METTL15: variants seen among roughly 807,000 people sequenced by gnomAD.
METTL15 encodes 12S rRNA N(4)-cytidine methyltransferase METTL15.
A neutral mutation model predicts 38.3 loss-of-function variants in METTL15; 34 were observed. The observed-to-expected ratio is 0.89, with a 90% CI of 0.68 to 1.18. The LOEUF (loss-of-function observed/expected upper bound fraction) is 1.18, where lower values mean the gene tolerates loss of function less well. METTL15 is among the 50% of genes most tolerant of loss of function. The pLI is 0.00. For missense variants in METTL15, 438 were observed against 498.4 expected (o/e 0.88, Z 1.15); for synonymous variants, 162 against 170.9 (o/e 0.95, Z 0.41).
At chr11:28,112,887 A>G (rs1251963113) in intron 2 of METTL15, among the ~76,000 whole-genome samples, 3 of 152,172 alleles carry the variant, frequency 2.0e-5, no homozygotes, top group Middle Eastern at 3.2e-3. Context: ...ATAGAAGACC[A>G]TCTGAATCTA....
chr11:28,369,757 A>T (rs1029302649), intron 5 of METTL15, among the ~76,000 whole-genome samples: 3 of 152,166 alleles, frequency 2.0e-5, no homozygotes, highest in Admixed American at 2.0e-4. Flanking sequence ...AGTTCATCAA[A>T]ACTAGACCTG....
chr11:28,527,191 C>G (rs745473182), downstream of METTL15: 1 of 152,148 alleles, frequency 6.6e-6, no homozygotes, highest in Non-Finnish European at 1.5e-5. Context: ...ATTTTACTAC[C>G]TTAGTTGGAA....
At position 28,377,557 on chromosome 11, in the gene METTL15, C is replaced by G. The variant is rs550266224; in HGVS notation, c.*358+15521C>G. 2.0e-5 allele frequency among the ~76,000 whole-genome samples: 3 copies of G among 151,544 alleles called. No individual in the cohort carries two copies. In the South Asian group the frequency reaches 6.3e-4, roughly 32 times the overall value. ...GTATTGGTTATTCTAGTTATACATT[C>G]TTCTAAATTTTTTTCAAAGTTTTCA... On this transcript the variant is annotated intron_variant and NMD_transcript_variant, in intron 5 of 7. Transcript: ENST00000532947.
intron 4 of METTL15, among the ~76,000 whole-genome samples, chr11:28,235,050 T>C (rs1183574331): frequency 6.6e-6 from 1 of 152,184 alleles, no homozygotes; most frequent in African/African-American, 2.4e-5. Context: ...CAGCACCATT[T>C]ATTAAATAGG....
chr11:28,277,711 A>G (rs1020967501), intron 4 of METTL15, among the ~76,000 whole-genome samples: 3 of 152,116 alleles, frequency 2.0e-5, no homozygotes, highest in Non-Finnish European at 4.4e-5. Context: ...AGCAAAAAAA[A>G]CAGCAACAAA....
intron 5 of METTL15, among the ~76,000 whole-genome samples, chr11:28,293,523 T>G (rs1036086800): frequency 2.1e-3 from 319 of 152,322 alleles, no homozygotes; most frequent in Non-Finnish European, 3.6e-3. Context: ...GGCTTAGGAT[T>G]GACTTGGTGA....
chr11:28,123,780 C>G, intron 3 of METTL15: 2 of 993,696 alleles, frequency 2.0e-6, no homozygotes, highest in Non-Finnish European at 2.9e-6. Context: ...CCTGTGTCAT[C>G]TGTAATAGGT....
chr11:28,279,640 C>T (rs1855974696), intron 4 of METTL15, among the ~76,000 whole-genome samples: 1 of 152,142 alleles, frequency 6.6e-6, no homozygotes, highest in Non-Finnish European at 1.5e-5. Context: ...GTGGCTCACG[C>T]CTGTAATCCC....
At chr11:28,380,730 T>C (rs1850373842) in intron 5 of METTL15, among the ~76,000 whole-genome samples, 1 of 152,170 alleles carries the variant, frequency 6.6e-6, no homozygotes, top group Admixed American at 6.5e-5. Context: ...TGACAACATA[T>C]CTTAGATTAA....
At chr11:28,474,971 C>A (rs757447627) in intron 6 of METTL15, among the ~76,000 whole-genome samples, 5 of 152,120 alleles carry the variant, frequency 3.3e-5, no homozygotes, top group Non-Finnish European at 7.4e-5. Flanking sequence ...TACAGGTGAC[C>A]AAGAAGCAGA....
At position 28,370,548 on chromosome 11, in the gene METTL15, T is replaced by G. The variant is rs556610162; in HGVS notation, c.*358+8512T>G. Among the ~76,000 whole-genome samples the G allele has an allele frequency of 2.4e-4, 36 of 152,102 alleles. No individual in the cohort carries two copies. The South Asian group carries it at 2.9e-3, about 12-fold the overall frequency. ...GCAGATATCTTTTTGATACATTGAT[T>G]TCTTTTCTTTGAGATATATACCCAA... On this transcript the variant is annotated intron_variant and NMD_transcript_variant, in intron 5 of 7. Transcript: ENST00000532947.
intron 5 of METTL15, among the ~76,000 whole-genome samples, chr11:28,371,228 T>G (rs1850240148): frequency 6.6e-6 from 1 of 152,078 alleles, no homozygotes; most frequent in African/African-American, 2.4e-5. Context: ...GGGGTCTTGT[T>G]TTATTCTTCT....
At chr11:28,443,583 C>G (rs1281817534) in intron 6 of METTL15, among the ~76,000 whole-genome samples, 1 of 152,160 alleles carries the variant, frequency 6.6e-6, no homozygotes, top group Admixed American at 6.5e-5. Flanking sequence ...CAAGGCAACA[C>G]ACTCCAAATC....
intron 5 of METTL15, among the ~76,000 whole-genome samples, chr11:28,371,912 T>C (rs1167959277): frequency 6.6e-6 from 1 of 152,090 alleles, no homozygotes. Flanking sequence ...TTTTTCTAAG[T>C]ATAAAACTAT....
intron 4 of METTL15, among the ~76,000 whole-genome samples, chr11:28,211,711 T>C (rs1852649756): frequency 6.6e-6 from 1 of 152,008 alleles, no homozygotes; most frequent in East Asian, 1.9e-4. Flanking sequence ...TTTAAAAATA[T>C]AAAATATTAT....
intron 6 of METTL15, among the ~76,000 whole-genome samples, chr11:28,494,247 T>A (rs931173856): frequency 6.6e-6 from 1 of 152,208 alleles, no homozygotes. Flanking sequence ...CAGGGGTCGA[T>A]CTATTCACCA....
chr11:28,241,856 AGGCTAATGG>A (rs987885409), intron 4 of METTL15, among the ~76,000 whole-genome samples: 1 of 152,200 alleles, frequency 6.6e-6, no homozygotes, highest in Non-Finnish European at 1.5e-5. Flanking sequence ...TGATGTCAGA[AGGCTAATGG>A]GTGTGCTCAG....
intron 3 of METTL15, among the ~76,000 whole-genome samples, chr11:28,155,163 A>G (rs370829833): frequency 4.6e-4 from 70 of 152,174 alleles, no homozygotes; most frequent in African/African-American, 1.6e-3. Context: ...TCATTCCTTT[A>G]TTTTGTTAAG....
chr11:28,341,604 A>G (rs1280114927), intron 3 of METTL15, among the ~76,000 whole-genome samples: 1 of 152,202 alleles, frequency 6.6e-6, no homozygotes, highest in Non-Finnish European at 1.5e-5. Context: ...CACCTATTTT[A>G]TAAGGTGGGT....
Sources: allele counts gnomAD v4.1 joint callset (sites outside exome capture counted in the v4.1 genomes callset), GRCh38; gene constraint gnomAD v4.1.1; transcripts MANE v1.5; gene names NCBI Gene and HGNC (gene_info 2026-07-23, HGNC 2026-07-21).